Variants in DNAH2 observed in about 807,000 individuals in gnomAD.
DNAH2 encodes the protein axonemal beta dynein heavy chain 2.
A neutral mutation model predicts 523.5 loss-of-function variants in DNAH2; 323 were observed. The ratio of observed to expected loss-of-function variants is 0.62; its 90% CI spans 0.56 to 0.68. DNAH2 has a LOEUF of 0.68. Among genes scored for constraint, DNAH2 ranks in the 30% least tolerant of loss-of-function variants. DNAH2 has a pLI of 0.00. For missense variants in DNAH2, 4,907 were observed against 5,701.5 expected, an observed-to-expected ratio of 0.86 and a Z score of 4.49; for synonymous variants, 2,093 against 2,177.4, an observed-to-expected ratio of 0.96 and a Z score of 1.08.
At chr17:7,722,139 CA>C (rs140090902) in intron 2 of DNAH2, among the ~76,000 whole-genome samples, 2,774 of 151,548 alleles carry the variant, frequency 0.018, 86 homozygotes, top group African/African-American at 0.063. Flanking sequence ...GCTGGAATTA[CA>C]GGCACCCGCC....
chr17:7,770,976 C>T, intron 27 of DNAH2, 43 bp downstream of exon 27: 1 of 1,593,658 alleles, frequency 6.3e-7, no homozygotes, highest in East Asian at 2.2e-5. Flanking sequence ...CCTGCTCTTA[C>T]TCCTTCTTTT....
At position 7,770,551 on chromosome 17, in the gene DNAH2, C is replaced by T. The variant is rs1436406965; in HGVS notation, c.4099-6C>T. The T allele has an allele frequency of 6.2e-7, 1 of 1,614,102 alleles. No homozygotes were observed. Among genetic ancestry groups the T allele is most frequent in the Non-Finnish European group, 8.5e-7 (1 of 1,179,994 alleles). ...GACTGCTGTGTCCCCCAATTTCTCT[C>T]CACAGGCTTTACAAAACATTGCCAA... is the stretch of plus-strand genomic sequence containing the variant. On this transcript the variant is annotated splice_region_variant and splice_polypyrimidine_tract_variant and intron_variant, in intron 25 of 85. Transcript: ENST00000572933.
Position 7,757,248 on chromosome 17 carries a change from A to T in DNAH2, c.2051+11A>T, listed in dbSNP as rs1366392017. The T allele has an allele frequency of 1.9e-6, 3 of 1,613,478 alleles. No homozygotes were observed. In the South Asian group the frequency reaches 3.3e-5, roughly 18 times the overall value. ...TAGAGACTACAATAGGTAGGGCTTCAGTCCTCACTGCAGCCCTTCAAGATG... is the reference window on the plus strand; with the variant it reads ...TAGAGACTACAATAGGTAGGGCTTCTGTCCTCACTGCAGCCCTTCAAGATG... On this transcript the variant is annotated intron_variant, in intron 13 of 85. Coordinates refer to ENST00000572933, the MANE Select transcript of DNAH2 (RefSeq NM_020877.5).
rs539284199 is a variant in DNAH2, at chr17:7,734,537, A to G, written c.807A>G (p.Gly269=). 2 of 1,613,792 alleles carry G rather than the reference A, an allele frequency of 1.2e-6. No individual in the cohort carries two copies. The highest frequency in any genetic ancestry group is 1.7e-5 in the Admixed American group (1 of 59,922). Residue 269 remains glycine, a synonymous_variant, in exon 7 of 86, where the codon GGA becomes GGG. Coordinates refer to ENST00000572933, the MANE Select transcript of DNAH2 (RefSeq NM_020877.5). ...GTGCCCAGGAGACTGTGGAGACAGG[A>G]GAAAATTTAGGTCCTCTGGAGGAGA... ...MLSAQETVET[G]ENLGPLEEIE...
chr17:7,811,870 T>C (rs1420504061), intron 63 of DNAH2, among the ~76,000 whole-genome samples: 1 of 152,148 alleles, frequency 6.6e-6, no homozygotes, highest in African/African-American at 2.4e-5. Flanking sequence ...CTGGGCTGTT[T>C]CTCCCTGGAA....
At position 7,796,602 on chromosome 17, in the gene DNAH2, C is replaced by G. The variant is rs1292637899; in HGVS notation, c.7813C>G (p.Pro2605Ala). 3 of 1,612,990 alleles carry G rather than the reference C, an allele frequency of 1.9e-6. No individual in the cohort carries two copies. The East Asian group carries it at 6.7e-5, about 36-fold the overall frequency. ...CAACACCGTGGTACAGCGCTTCCTG[C>G]CCACGCCCACCAAGATGCATTACCT... The part of the protein sequence containing the change: ...MYNTVVQRFL[P>A]TPTKMHYLFN... The change falls in exon 50 of 86, where the codon CCC becomes GCC. Residue 2605 changes from proline (P) to alanine (A), a missense_variant. Physicochemically the swap from Pro to Ala is conservative, Grantham distance 27 (BLOSUM62 -1). Around this residue, in one of 3 missense-constraint regions of DNAH2, gnomAD observed 250 missense variants for 371.3 expected, o/e 0.67. Transcript: ENST00000572933.
At chr17:7,791,223 A>G (rs567516478) in intron 44 of DNAH2, among the ~76,000 whole-genome samples, 1 of 152,032 alleles carries the variant, frequency 6.6e-6, no homozygotes, top group Non-Finnish European at 1.5e-5. Flanking sequence ...AACAGGCACC[A>G]CCACACCCGG....
chr17:7,833,053 G>A lies in DNAH2; in HGVS notation c.12979-18G>A. On this transcript the variant is annotated intron_variant, in intron 84 of 85. Transcript: ENST00000572933. Reference sequence around the variant, plus strand: ...TTGAAGTCTAGCTTCTCCCAGACCTGCTCCCATTTCTCCCCAGGATGGTGT... The same window carrying A: ...TTGAAGTCTAGCTTCTCCCAGACCTACTCCCATTTCTCCCCAGGATGGTGT... 6.2e-7 allele frequency: 1 copy of A among 1,613,266 alleles called. No individual in the cohort carries two copies.
Position 7,764,047 on chromosome 17 carries a change from C to A in DNAH2, c.3179+16C>A. 6.2e-7 allele frequency: 1 copy of A among 1,614,176 alleles called. No individual in the cohort carries two copies. Among genetic ancestry groups the A allele is most frequent in the Non-Finnish European group, 8.5e-7 (1 of 1,180,014 alleles). ...ACGCAGAGAAGTGCGGGCTGGGGCGCCCCACAGGAAGGGGGCAGGGGCAGG... is the reference window on the plus strand; with the variant it reads ...ACGCAGAGAAGTGCGGGCTGGGGCGACCCACAGGAAGGGGGCAGGGGCAGG... On this transcript the variant is annotated intron_variant, in intron 19 of 85. Transcript: ENST00000572933.
At chr17:7,767,428 G>C (rs1004497623) in intron 22 of DNAH2, among the ~76,000 whole-genome samples, 1 of 152,028 alleles carries the variant, frequency 6.6e-6, no homozygotes, top group Non-Finnish European at 1.5e-5. Context: ...CTGAACACCT[G>C]TTCCCTATTC....
At chr17:7,782,854 T>C (rs1175067791) in intron 39 of DNAH2, among the ~76,000 whole-genome samples, 1 of 80,110 alleles carries the variant, frequency 1.2e-5, no homozygotes, top group Non-Finnish European at 3.0e-5. Context: ...CACAACTACT[T>C]TCTCCAAAAG....
At chr17:7,741,236 C>CTCTCTT (rs1555540638) in intron 11 of DNAH2, among the ~76,000 whole-genome samples, 73 of 85,632 alleles carry the variant, frequency 8.5e-4, no homozygotes, top group African/African-American at 2.9e-3. Context: ...TTTTCTCTCT[C>CTCTCTT]TCTTTCTTTC....
intron 43 of DNAH2, 26 bp downstream of exon 43, chr17:7,788,023 A>G (rs1291326507): frequency 6.2e-7 from 1 of 1,613,478 alleles, no homozygotes; most frequent in Admixed American, 1.7e-5. Context: ...AGGAGAGGGA[A>G]AGTAACCAGG....
chr17:7,785,395 G>A (rs938340167), intron 39 of DNAH2, among the ~76,000 whole-genome samples: 9 of 152,274 alleles, frequency 5.9e-5, no homozygotes, highest in South Asian at 2.1e-4. Flanking sequence ...GAGCCACCGC[G>A]CCTGGCTGAG....
chr17:7,831,556 G>T lies in DNAH2; in HGVS notation c.12611+15G>T. 11 of 1,614,124 alleles carry T rather than the reference G, an allele frequency of 6.8e-6. No individual in the cohort carries two copies. Among genetic ancestry groups the T allele is most frequent in the Non-Finnish European group, 9.3e-6 (11 of 1,179,990 alleles). ...CAGACCATCCTGTAAGACAGAGGGG[G>T]ACTCTGCGGAACAGGGGAGGGTGTG... On this transcript the variant is annotated intron_variant, in intron 81 of 85. Coordinates refer to ENST00000572933, the MANE Select transcript of DNAH2 (RefSeq NM_020877.5). This position sits in a 1 kb window ranked among gnomAD's most constrained non-coding sequence, Gnocchi z 4.2.
At position 7,805,269 on chromosome 17, in the gene DNAH2, C is replaced by T; in HGVS notation, c.9318C>T (p.Asn3106=). ...EEAMRALESL[N]KKDIGEIKSY... Reference sequence around the variant, plus strand: ...TCCCCCAGGCCCTGGAGTCTCTGAACAAGAAGGATATAGGAGAGATCAAGT... The same window carrying T: ...TCCCCCAGGCCCTGGAGTCTCTGAATAAGAAGGATATAGGAGAGATCAAGT... Residue 3106 remains asparagine (N), a synonymous_variant, in exon 61 of 86, where the codon AAC becomes AAT. Transcript: ENST00000572933. 1.2e-6 allele frequency: 2 copies of T among 1,614,188 alleles called. No homozygotes were observed. The highest frequency in any genetic ancestry group is 1.7e-6 in the Non-Finnish European group (2 of 1,180,044).
At chr17:7,818,536 C>T (rs1476887330) in intron 69 of DNAH2, 76 bp downstream of exon 69, 1 of 1,603,272 alleles carries the variant, frequency 6.2e-7, no homozygotes, top group Non-Finnish European at 8.5e-7. Context: ...AAGGGATAAG[C>T]TTGTGTTGGG....
chr17:7,803,861 C>T (rs1597717105), intron 58 of DNAH2, among the ~76,000 whole-genome samples: 1 of 152,264 alleles, frequency 6.6e-6, no homozygotes, highest in East Asian at 1.9e-4. Flanking sequence ...ATACTGGGCC[C>T]ACATTCATTC....
At chr17:7,724,543 C>T (rs1020508387) in intron 3 of DNAH2, among the ~76,000 whole-genome samples, 8 of 151,842 alleles carry the variant, frequency 5.3e-5, no homozygotes, top group East Asian at 3.9e-4. Flanking sequence ...TGCTTGAACC[C>T]GAGGGCAGAG....
Sources: gnomAD v4.1 joint callset for allele counts (sites outside exome capture counted in the v4.1 genomes callset) on GRCh38, gnomAD v4.1.1 for gene constraint, gnomAD v4.1.1 regional missense constraint, Gnocchi (gnomAD v3.1) non-coding constraint, MANE v1.5 for transcripts, NCBI Gene and HGNC (gene_info 2026-07-23, HGNC 2026-07-21) for gene names.